KCNIP4: variants seen among roughly 807,000 people sequenced by gnomAD.
KCNIP4 encodes potassium voltage-gated channel interacting protein 4, also known as Kv channel-interacting protein 4.
Under a neutral mutation model 34.0 loss-of-function variants are expected in KCNIP4, and 12 were observed. The ratio of observed to expected loss-of-function variants is 0.35; its 90% CI spans 0.23 to 0.57. KCNIP4 has a LOEUF of 0.57. Among genes scored for constraint, KCNIP4 ranks in the 20% least tolerant of loss-of-function variants. The probability of loss-of-function intolerance (pLI) is 0.83; values close to 1 mark genes in which losing one functional copy is unlikely to be tolerated. For missense variants in KCNIP4, 238 were observed against 311.7 expected, an observed-to-expected ratio of 0.76 and a Z score of 1.78; for synonymous variants, 124 against 102.2, an observed-to-expected ratio of 1.21 and a Z score of -1.29.
At chr4:21,224,577 T>C (rs936922786) in intron 1 of KCNIP4, among the ~76,000 whole-genome samples, 1 of 129,732 alleles carries the variant, frequency 7.7e-6, no homozygotes, top group Non-Finnish European at 1.6e-5. Flanking sequence ...ATTTTTCAAC[T>C]GTTTTTTTTT....
chr4:21,355,691 C>A (rs530568746), intron 1 of KCNIP4, among the ~76,000 whole-genome samples: 1 of 152,184 alleles, frequency 6.6e-6, no homozygotes, highest in African/African-American at 2.4e-5. Context: ...AGTCTAGGAC[C>A]AGATGGATTC....
chr4:21,014,322 C>A (rs1022400930), intron 1 of KCNIP4, among the ~76,000 whole-genome samples: 1 of 152,178 alleles, frequency 6.6e-6, no homozygotes, highest in Non-Finnish European at 1.5e-5. Context: ...ATCATATCTA[C>A]TCTGTCAAGT....
At chr4:20,852,965 A>C (rs7669354) in intron 2 of KCNIP4, among the ~76,000 whole-genome samples, 53,542 of 152,092 alleles carry the variant, frequency 0.35, 10,431 homozygotes, top group Admixed American at 0.46. Flanking sequence ...CTGTTGAAAG[A>C]AACCATAAGT....
At chr4:21,425,363 G>T (rs987935000) in intron 1 of KCNIP4, among the ~76,000 whole-genome samples, 1 of 152,020 alleles carries the variant, frequency 6.6e-6, no homozygotes, top group Non-Finnish European at 1.5e-5. Context: ...AACTGTCTGC[G>T]ATAATAACAC....
chr4:20,831,171 T>C (rs1437087274), intron 3 of KCNIP4, among the ~76,000 whole-genome samples: 3 of 151,688 alleles, frequency 2.0e-5, no homozygotes, highest in Admixed American at 6.6e-5. Flanking sequence ...GGCTCAGCAA[T>C]TGAGCATCAG....
chr4:21,348,424 T>G (rs1363361803), intron 1 of KCNIP4, among the ~76,000 whole-genome samples: 1 of 152,126 alleles, frequency 6.6e-6, no homozygotes, highest in Non-Finnish European at 1.5e-5. Flanking sequence ...AGCAAGCATA[T>G]TTGTATTCTG....
At chr4:21,158,152 A>G (rs940708554) in intron 1 of KCNIP4, among the ~76,000 whole-genome samples, 3 of 152,180 alleles carry the variant, frequency 2.0e-5, no homozygotes. Context: ...TAAACACATT[A>G]AAGTTACAGT....
intron 3 of KCNIP4, among the ~76,000 whole-genome samples, chr4:20,808,082 T>C (rs1197280874): frequency 6.6e-6 from 1 of 152,184 alleles, no homozygotes; most frequent in Non-Finnish European, 1.5e-5. Context: ...ACTCTGGACA[T>C]ATGAAGAAAC....
At chr4:21,078,398 T>C (rs535083705) in intron 1 of KCNIP4, among the ~76,000 whole-genome samples, 2 of 152,138 alleles carry the variant, frequency 1.3e-5, no homozygotes, top group African/African-American at 4.8e-5. Context: ...AATGTCAGCA[T>C]GGTTGGATTC....
At chr4:21,799,915 A>C (rs1190010729) in intron 1 of KCNIP4, among the ~76,000 whole-genome samples, 1 of 152,202 alleles carries the variant, frequency 6.6e-6, no homozygotes, top group African/African-American at 2.4e-5. Context: ...TCATCCTACA[A>C]TGACAGAGTT....
intron 1 of KCNIP4, among the ~76,000 whole-genome samples, chr4:20,958,514 G>T (rs1733533648): frequency 6.6e-6 from 1 of 152,178 alleles, no homozygotes; most frequent in African/African-American, 2.4e-5. Context: ...AAAAATTGAT[G>T]AAGAGGAATA....
At chr4:21,871,974 G>A (rs1725848175) in intron 1 of KCNIP4, among the ~76,000 whole-genome samples, 2 of 151,938 alleles carry the variant, frequency 1.3e-5, no homozygotes, top group African/African-American at 4.8e-5. Context: ...CCTGAATAAA[G>A]TCTGCCTTAC....
chr4:21,868,506 A>G (rs1725565849), intron 1 of KCNIP4, among the ~76,000 whole-genome samples: 1 of 152,134 alleles, frequency 6.6e-6, no homozygotes, highest in Non-Finnish European at 1.5e-5. Context: ...TAACTTCTAC[A>G]CCTCTTGGTT....
intron 1 of KCNIP4, among the ~76,000 whole-genome samples, chr4:21,304,769 T>A (rs1712249726): frequency 6.6e-6 from 1 of 152,186 alleles, no homozygotes; most frequent in Non-Finnish European, 1.5e-5. Context: ...GAGTAGTAAC[T>A]ATCATATCTT....
intron 1 of KCNIP4, among the ~76,000 whole-genome samples, chr4:21,595,596 C>T (rs1002421878): frequency 1.3e-5 from 2 of 152,078 alleles, no homozygotes; most frequent in African/African-American, 4.8e-5. Context: ...AACTAATTTA[C>T]ACTCCTACCA....
In KCNIP4 at chr4:21,738,710, T is replaced by C. The variant is rs182816281; in HGVS notation, c.61+209861A>G. ...TGGCCAGTTAAATGCAGTATACTTGTCATAACACCTCCAAATATCAAGGTC... is the reference window on the plus strand; with the variant it reads ...TGGCCAGTTAAATGCAGTATACTTGCCATAACACCTCCAAATATCAAGGTC... On this transcript the variant is annotated intron_variant, in intron 1 of 8. Coordinates refer to ENST00000382152, the MANE Select transcript of KCNIP4 (RefSeq NM_025221.6). Among the ~76,000 whole-genome samples, 6 of 152,288 alleles carry C rather than the reference T, an allele frequency of 3.9e-5. No homozygotes were observed. In the East Asian group the frequency reaches 1.2e-3, roughly 29 times the overall value.
At chr4:20,879,468 G>A (rs1011371711) in intron 2 of KCNIP4, among the ~76,000 whole-genome samples, 1 of 152,148 alleles carries the variant, frequency 6.6e-6, no homozygotes, top group Non-Finnish European at 1.5e-5. Context: ...AAACATCAAA[G>A]TCAAGATATG....
At chr4:21,390,738 A>G (rs1264298280) in intron 1 of KCNIP4, among the ~76,000 whole-genome samples, 3 of 152,178 alleles carry the variant, frequency 2.0e-5, no homozygotes, top group African/African-American at 4.8e-5. Flanking sequence ...AAGTAGTGTG[A>G]TGCCTCCAGC....
intron 1 of KCNIP4, among the ~76,000 whole-genome samples, chr4:21,945,749 C>T (rs1364485857): frequency 1.3e-5 from 2 of 151,732 alleles, no homozygotes; most frequent in Admixed American, 1.3e-4. Flanking sequence ...TATCATCTCC[C>T]TCAGTCTCTC....
Sources: allele counts gnomAD v4.1 joint callset (sites outside exome capture counted in the v4.1 genomes callset), GRCh38; gene constraint gnomAD v4.1.1; transcripts MANE v1.5; gene names NCBI Gene and HGNC (gene_info 2026-07-23, HGNC 2026-07-21).